AK9: variants seen among roughly 807,000 people sequenced by gnomAD.
AK9 encodes adenylate kinase domain containing 1.
Under a neutral mutation model 239.6 loss-of-function variants are expected in AK9, and 191 were observed. The observed-to-expected ratio is 0.80, with a 90% CI of 0.71 to 0.90. The LOEUF is 0.90. Among genes scored for constraint, AK9 ranks in the 40% least tolerant of loss-of-function variants. AK9 has a pLI of 0.00. For missense variants in AK9, 1,995 were observed against 2,214.7 expected, an observed-to-expected ratio of 0.90 and a Z score of 1.99; for synonymous variants, 689 against 721.0, an observed-to-expected ratio of 0.96 and a Z score of 0.71.
intron 20 of AK9, among the ~76,000 whole-genome samples, chr6:109,574,525 C>T (rs918637574): frequency 2.6e-5 from 4 of 151,990 alleles, no homozygotes; most frequent in Non-Finnish European, 5.9e-5. Flanking sequence ...CAAAGTATTG[C>T]TAATATTATT....
intron 38 of AK9, among the ~76,000 whole-genome samples, chr6:109,497,058 T>C (rs961629945): frequency 2.0e-5 from 3 of 152,154 alleles, no homozygotes; most frequent in Non-Finnish European, 4.4e-5. Context: ...CCAGCTATGC[T>C]GAAGTTCTTA....
At chr6:109,530,110 TAGGTCTCCA>T (rs1348953399) in intron 28 of AK9, among the ~76,000 whole-genome samples, 2 of 152,218 alleles carry the variant, frequency 1.3e-5, no homozygotes, top group Non-Finnish European at 2.9e-5. Context: ...TCCCCTTTGA[TAGGTCTCCA>T]AGGTCTCCAT....
chr6:109,641,957 C>T (rs1381962410), intron 9 of AK9, among the ~76,000 whole-genome samples: 1 of 152,196 alleles, frequency 6.6e-6, no homozygotes, highest in African/African-American at 2.4e-5. Flanking sequence ...CATTTCAACT[C>T]ATAACAGTCT....
At chr6:109,658,961 T>A (rs553281050) in intron 7 of AK9, among the ~76,000 whole-genome samples, 1 of 152,240 alleles carries the variant, frequency 6.6e-6, no homozygotes, top group Admixed American at 6.5e-5. Flanking sequence ...AATAACTCCA[T>A]AGTTATGAAA....
chr6:109,577,822 G>A (rs910862596), intron 20 of AK9, among the ~76,000 whole-genome samples: 2 of 151,666 alleles, frequency 1.3e-5, no homozygotes, highest in African/African-American at 4.8e-5. Flanking sequence ...GGTATTGGCT[G>A]TAATATCTCC....
At chr6:109,625,970 T>C (rs2128258720) in intron 12 of AK9, among the ~76,000 whole-genome samples, 1 of 152,224 alleles carries the variant, frequency 6.6e-6, no homozygotes, top group South Asian at 2.1e-4. Context: ...CTCCACTTAC[T>C]CACATTAGAC....
At chr6:109,604,137 C>A (rs544436606) in intron 17 of AK9, among the ~76,000 whole-genome samples, 5 of 152,122 alleles carry the variant, frequency 3.3e-5, no homozygotes, top group African/African-American at 4.8e-5. Context: ...GTTGGAAATG[C>A]GGAAATCACC....
At chr6:109,650,177 A>G (rs1798712186) in intron 8 of AK9, among the ~76,000 whole-genome samples, 1 of 152,134 alleles carries the variant, frequency 6.6e-6, no homozygotes, top group South Asian at 2.1e-4. Context: ...AGGCATGGGC[A>G]AGGACTTCAT....
At chr6:109,558,316 A>C (rs1785274231) in intron 24 of AK9, among the ~76,000 whole-genome samples, 1 of 152,088 alleles carries the variant, frequency 6.6e-6, no homozygotes, top group Non-Finnish European at 1.5e-5. Context: ...TGCCTAATCC[A>C]AGGTCTCAAA....
chr6:109,596,782 T>C (rs1261808647), intron 17 of AK9, among the ~76,000 whole-genome samples: 1 of 152,234 alleles, frequency 6.6e-6, no homozygotes, highest in African/African-American at 2.4e-5. Context: ...ATCATTGCTA[T>C]TAATAGAGCT....
chr6:109,617,786 G>GT (rs1256205534), intron 13 of AK9, among the ~76,000 whole-genome samples: 3 of 152,086 alleles, frequency 2.0e-5, no homozygotes, highest in Admixed American at 2.0e-4. Context: ...AATGGTTCTC[G>GT]TTCTAAGTAT....
In AK9 at chr6:109,493,458, A is replaced by G; in HGVS notation, c.5647T>C (p.Tyr1883His). The change falls in exon 41 of 41, where the codon TAC (tyrosine) becomes CAC (histidine). Residue 1883 changes from tyrosine (Y) to histidine (H), a missense_variant. This residue lies in a region of AK9 where 391 missense variants were observed against 456.0 expected (regional missense o/e 0.86). Coordinates refer to ENST00000424296, the MANE Select transcript of AK9 (RefSeq NM_001145128.3). ...ATGGCTCTGAACTGAGGTTCCTTGTATTTTCTGGTCATCTTGGCACCCAAG... is the reference window on the plus strand; with the variant it reads ...ATGGCTCTGAACTGAGGTTCCTTGTGTTTTCTGGTCATCTTGGCACCCAAG... ...TYLGAKMTRK[Y>H]KEPQFRAIDF... The G allele has an allele frequency of 6.2e-7, 1 of 1,614,104 alleles. No individual in the cohort carries two copies. Among genetic ancestry groups the G allele is most frequent in the Non-Finnish European group, 8.5e-7 (1 of 1,180,008 alleles).
intron 1 of AK9, among the ~76,000 whole-genome samples, chr6:109,681,587 C>A (rs1465880418): frequency 2.0e-5 from 3 of 152,106 alleles, no homozygotes; most frequent in Non-Finnish European, 4.4e-5. Context: ...AGCTCTGGAC[C>A]AAGCAGACCT....
chr6:109,579,149 G>A (rs1562441034), intron 20 of AK9, among the ~76,000 whole-genome samples: 1 of 152,068 alleles, frequency 6.6e-6, no homozygotes, highest in Admixed American at 6.6e-5. Context: ...AGAGTAAGTG[G>A]GTAATAAGAG....
intron 5 of AK9, among the ~76,000 whole-genome samples, chr6:109,669,626 T>C (rs1018566687): frequency 2.0e-5 from 3 of 152,242 alleles, no homozygotes; most frequent in Admixed American, 2.0e-4. Flanking sequence ...AAAGGCCTTT[T>C]CTGCATCTAT....
Position 109,563,817 on chromosome 6 carries a change from C to T in AK9, c.2636-105G>A, listed in dbSNP as rs575884570. On this transcript the variant is annotated intron_variant, in intron 23 of 40. Transcript: ENST00000424296. ...AAAATTGATTATTATTATTATTAGT[C>T]TCTTAGATTAAATATGTATGCAAAT... The T allele has an allele frequency of 3.0e-4, 398 of 1,313,942 alleles. 2 individuals carry two copies. Among genetic ancestry groups the T allele is most frequent in the African/African-American group, 2.9e-3 (193 of 67,118 alleles). 81.4% of individuals were successfully genotyped at this position (1,313,942 alleles called of 1,614,324 possible). A position where few individuals can be genotyped will look rare whatever the true frequency, so the allele number is the denominator to read the frequency against.
At chr6:109,533,209 T>G (rs375180184) in intron 28 of AK9, 42 bp downstream of exon 28, 2 of 1,472,032 alleles carry the variant, frequency 1.4e-6, no homozygotes, top group Non-Finnish European at 1.8e-6. Context: ...ACTAAACAGA[T>G]GCTGAACAGA....
chr6:109,516,078 G>C lies in AK9; in HGVS notation c.3847-3C>G. 6.5e-7 allele frequency: 1 copy of C among 1,542,464 alleles called. No individual in the cohort carries two copies. Among genetic ancestry groups the C allele is most frequent in the East Asian group, 2.5e-5 (1 of 40,810 alleles). Reference sequence around the variant, plus strand: ...ATCAAATACCTCTCAAGTTCATCCTGATAAGAAAAGTCATAAAAACAAATA... The same window carrying C: ...ATCAAATACCTCTCAAGTTCATCCTCATAAGAAAAGTCATAAAAACAAATA... On this transcript the variant is annotated splice_polypyrimidine_tract_variant and splice_region_variant and intron_variant, in intron 30 of 40. Transcript: ENST00000424296.
At chr6:109,562,751 T>G (rs201706855) in intron 24 of AK9, among the ~76,000 whole-genome samples, 3 of 29,662 alleles carry the variant, frequency 1.0e-4, no homozygotes, top group Non-Finnish European at 2.1e-4. Flanking sequence ...ATTGGGAGGG[T>G]TTTTTTTTAA....
Sources: gnomAD v4.1 joint callset for allele counts (sites outside exome capture counted in the v4.1 genomes callset) on GRCh38, gnomAD v4.1.1 for gene constraint, gnomAD v4.1.1 regional missense constraint, MANE v1.5 for transcripts, NCBI Gene and HGNC (gene_info 2026-07-23, HGNC 2026-07-21) for gene names.